RBFOX1: variants seen among roughly 807,000 people sequenced by gnomAD.
RBFOX1 encodes RNA binding protein fox-1 homolog 1.
A neutral mutation model predicts 57.7 loss-of-function variants in RBFOX1; 8 were observed. The ratio of observed to expected loss-of-function variants is 0.14; its 90% CI spans 0.08 to 0.25. RBFOX1 has a LOEUF of 0.25. Among genes scored for constraint, RBFOX1 ranks in the 10% least tolerant of loss-of-function variants. The probability of loss-of-function intolerance (pLI) is 1.00; values close to 1 mark genes in which losing one functional copy is unlikely to be tolerated. For synonymous variants in RBFOX1, 326 were observed against 222.4 expected, an observed-to-expected ratio of 1.47 and a Z score of -4.15; for missense variants, 611 against 548.5, an observed-to-expected ratio of 1.11 and a Z score of -1.14.
At chr16:5,290,631 C>G (rs142325008) in intron 1 of RBFOX1, among the ~76,000 whole-genome samples, 7 of 151,514 alleles carry the variant, frequency 4.6e-5, no homozygotes, top group Non-Finnish European at 8.8e-5. Context: ...GATGAGTTCA[C>G]TAGGTGGATA....
chr16:6,439,348 C>T (rs2094317839), intron 2 of RBFOX1, among the ~76,000 whole-genome samples: 1 of 152,190 alleles, frequency 6.6e-6, no homozygotes, highest in Admixed American at 6.5e-5. Context: ...CCTCTCCTTT[C>T]CCCAGGAGTG....
At chr16:5,383,489 A>C (rs1193768441) in intron 1 of RBFOX1, among the ~76,000 whole-genome samples, 1 of 152,216 alleles carries the variant, frequency 6.6e-6, no homozygotes, top group African/African-American at 2.4e-5. Context: ...CATGCATGCT[A>C]TGCAAAACAC....
At chr16:7,691,159 T>G (rs2077229570) in intron 14 of RBFOX1, among the ~76,000 whole-genome samples, 2 of 152,052 alleles carry the variant, frequency 1.3e-5, no homozygotes, top group African/African-American at 4.8e-5. Context: ...AAAAAATACT[T>G]AACTGGTAGC....
At chr16:6,683,413 G>C (rs77939978) in intron 3 of RBFOX1, among the ~76,000 whole-genome samples, 5 of 152,024 alleles carry the variant, frequency 3.3e-5, no homozygotes, top group Admixed American at 2.6e-4. Context: ...GGAGATGCAT[G>C]CTAATGTATT....
intron 3 of RBFOX1, among the ~76,000 whole-genome samples, chr16:6,891,097 C>G (rs1303919594): frequency 6.6e-6 from 1 of 152,176 alleles, no homozygotes; most frequent in Non-Finnish European, 1.5e-5. Context: ...GGCGTTCTTC[C>G]AATATCCATC....
At chr16:7,321,712 T>C (rs1479771018) in intron 4 of RBFOX1, among the ~76,000 whole-genome samples, 1 of 152,234 alleles carries the variant, frequency 6.6e-6, no homozygotes, top group East Asian at 1.9e-4. Context: ...ATATAGTTTA[T>C]TTTAAAATAT....
chr16:5,408,879 C>A lies in RBFOX1; in HGVS notation c.220-58337C>A, dbSNP rs1036426955. Among the ~76,000 whole-genome samples the A allele has an allele frequency of 5.3e-5, 8 of 152,202 alleles. 1 individual carries two copies. Among genetic ancestry groups the A allele is most frequent in the African/African-American group, 1.7e-4 (7 of 41,452 alleles). ...AGAACTCACAGTCACGAAGACTGTT[C>A]CAAGAGGAGGGTGTTACACCATTCA... On this transcript the variant is annotated intron_variant, in intron 1 of 2. Coordinates refer to the RBFOX1 transcript ENST00000585867.
At chr16:7,693,873 C>G (rs986946580) in intron 14 of RBFOX1, among the ~76,000 whole-genome samples, 10 of 152,172 alleles carry the variant, frequency 6.6e-5, no homozygotes, top group Admixed American at 5.9e-4. Flanking sequence ...GATCTTCATT[C>G]TATTAGCCAA....
At chr16:7,061,283 A>T (rs1046669289) in intron 4 of RBFOX1, among the ~76,000 whole-genome samples, 1 of 152,222 alleles carries the variant, frequency 6.6e-6, no homozygotes, top group Admixed American at 6.5e-5. Flanking sequence ...TTTAAATGTC[A>T]TCTTCACAAG....
intron 2 of RBFOX1, among the ~76,000 whole-genome samples, chr16:5,475,431 A>G (rs1403405498): frequency 6.6e-6 from 1 of 152,264 alleles, no homozygotes; most frequent in East Asian, 1.9e-4. Flanking sequence ...AACTGTGTCC[A>G]GATAGGATGA....
intron 3 of RBFOX1, among the ~76,000 whole-genome samples, chr16:5,683,172 G>T (rs918402639): frequency 6.6e-6 from 1 of 151,798 alleles, no homozygotes; most frequent in African/African-American, 2.4e-5. Flanking sequence ...GGGTGGGGGC[G>T]CCAGATCCTT....
At chr16:6,347,321 C>G (rs965020067) in intron 2 of RBFOX1, among the ~76,000 whole-genome samples, 3 of 152,172 alleles carry the variant, frequency 2.0e-5, no homozygotes, top group African/African-American at 7.2e-5. Context: ...CTCCTCTTTA[C>G]TGGGGGCTTC....
intron 4 of RBFOX1, among the ~76,000 whole-genome samples, chr16:7,112,679 G>GTGTGTGT (rs369771164): frequency 0.064 from 9,018 of 141,856 alleles, 479 homozygotes; most frequent in East Asian, 0.16. Flanking sequence ...TGTGTGTGTG[G>GTGTGTGT]GTGTGGGTGT....
intron 4 of RBFOX1, among the ~76,000 whole-genome samples, chr16:7,134,831 G>A (rs774491171): frequency 6.6e-6 from 1 of 152,102 alleles, no homozygotes; most frequent in African/African-American, 2.4e-5. Context: ...TAATGTTTGT[G>A]ATGGTTACAG....
chr16:5,574,425 C>CTTT (rs60015181), intron 2 of RBFOX1, among the ~76,000 whole-genome samples: 4 of 144,742 alleles, frequency 2.8e-5, no homozygotes, highest in African/African-American at 1.0e-4. Flanking sequence ...ACTTTTTTTT[C>CTTT]TTTTTTTTTT....
chr16:6,038,829 G>A (rs2095403800), intron 1 of RBFOX1: 1 of 147,058 alleles, frequency 6.8e-6, no homozygotes, highest in Admixed American at 6.8e-5. Context: ...TCCTATTTAA[G>A]GCCACACCCA....
At chr16:6,576,298 G>A (rs1173723988) in intron 2 of RBFOX1, among the ~76,000 whole-genome samples, 1 of 152,134 alleles carries the variant, frequency 6.6e-6, no homozygotes, top group Non-Finnish European at 1.5e-5. Context: ...ATGCTGAGAC[G>A]ACGTAGACAT....
intron 14 of RBFOX1, among the ~76,000 whole-genome samples, chr16:7,677,130 C>CAT (rs1379055125): frequency 7.3e-6 from 1 of 137,358 alleles, no homozygotes; most frequent in African/African-American, 2.7e-5. Context: ...CTCACATACA[C>CAT]ATACACACAC....
In RBFOX1 at chr16:6,942,525, A is replaced by G. The variant is rs138025444; in HGVS notation, c.-15-109532A>G. On this transcript the variant is annotated intron_variant, in intron 3 of 15. Coordinates refer to ENST00000550418, the MANE Select transcript of RBFOX1 (RefSeq NM_018723.4). The stretch of plus-strand genomic sequence containing the variant: ...GGAGATGAAGCTTCCTAGTGAGACT[A>G]TCAGTTAGAGCATTTTCCTGTGGAA... Among the ~76,000 whole-genome samples the G allele has an allele frequency of 6.6e-3, 1,009 of 152,240 alleles. 8 individuals carry two copies. Among genetic ancestry groups the G allele is most frequent in the Middle Eastern group, 0.031 (9 of 294 alleles).
Sources: allele counts gnomAD v4.1 joint callset (sites outside exome capture counted in the v4.1 genomes callset), GRCh38; gene constraint gnomAD v4.1.1; transcripts MANE v1.5; gene names NCBI Gene and HGNC (gene_info 2026-07-23, HGNC 2026-07-21).